WDR45B: variants seen among roughly 807,000 people sequenced by gnomAD.
The protein encoded by WDR45B is WD repeat domain 45B.
In WDR45B, 20 loss-of-function variants were observed where a neutral mutation model predicts 44.6. The ratio of observed to expected loss-of-function variants is 0.45; its 90% CI spans 0.32 to 0.65. The LOEUF (loss-of-function observed/expected upper bound fraction) is 0.65, where lower values mean the gene tolerates loss of function less well. Ranked by LOEUF, WDR45B falls within the 30% of genes least tolerant of loss-of-function variation. The pLI is 0.05. For missense variants in WDR45B, 323 were observed against 430.2 expected (o/e 0.75, Z 2.20); for synonymous variants, 169 against 164.9 (o/e 1.02, Z -0.19).
At chr17:82,628,948 C>T (rs768192918) in intron 3 of WDR45B, among the ~76,000 whole-genome samples, 9 of 150,960 alleles carry the variant, frequency 6.0e-5, no homozygotes, top group Non-Finnish European at 1.2e-4. Flanking sequence ...TGCAGTGAGC[C>T]AGGACTGCGC....
intron 9 of WDR45B, 99 bp downstream of exon 9, chr17:82,616,425 C>G: frequency 6.3e-7 from 1 of 1,591,192 alleles, no homozygotes; most frequent in Non-Finnish European, 8.6e-7. Context: ...GGTGCCACAG[C>G]GCGGTGCTGG....
At chr17:82,618,767 C>T (rs2045573214) in intron 7 of WDR45B, among the ~76,000 whole-genome samples, 1 of 152,118 alleles carries the variant, frequency 6.6e-6, no homozygotes, top group Non-Finnish European at 1.5e-5. Context: ...ACAAAAAAAA[C>T]CCACCAACAA....
chr17:82,619,956 C>G (rs950447092), intron 6 of WDR45B, among the ~76,000 whole-genome samples: 20 of 152,128 alleles, frequency 1.3e-4, no homozygotes, highest in African/African-American at 4.6e-4. Context: ...AAGCAGGAAG[C>G]AGAGAAGCAT....
rs150898020 is a variant in WDR45B, at chr17:82,641,115, G to A, written c.142+2834C>T. On this transcript the variant is annotated intron_variant, in intron 2 of 9. Transcript: ENST00000392325. Reference sequence around the variant, plus strand: ...CCAGTAATTTGAATTACAGGTATGCGCCACCACGCCTGGCTAACTTTTTGT... The same window carrying A: ...CCAGTAATTTGAATTACAGGTATGCACCACCACGCCTGGCTAACTTTTTGT... 6.4e-3 allele frequency among the ~76,000 whole-genome samples: 965 copies of A among 151,868 alleles called. 7 individuals carry two copies. The highest frequency in any genetic ancestry group is 0.022 in the African/African-American group (922 of 41,384).
At chr17:82,643,389 T>G (rs1050724862) in intron 2 of WDR45B, among the ~76,000 whole-genome samples, 1 of 150,880 alleles carries the variant, frequency 6.6e-6, no homozygotes, top group Non-Finnish European at 1.5e-5. Flanking sequence ...GCCGAGGTCA[T>G]GCCATTGCAC....
At chr17:82,641,767 A>G (rs1267001434) in intron 2 of WDR45B, among the ~76,000 whole-genome samples, 1 of 152,082 alleles carries the variant, frequency 6.6e-6, no homozygotes, top group Non-Finnish European at 1.5e-5. Flanking sequence ...GCGTGGTGGC[A>G]GGTGCCTGCA....
rs771097062 is a variant in WDR45B, at chr17:82,648,308, G to C, written c.33C>G (p.Asn11Lys). Residue 11 changes from asparagine (N) to lysine (K), a missense_variant, in exon 1 of 10, where the codon AAC (asparagine) becomes AAG (lysine). Coordinates refer to ENST00000392325, the MANE Select transcript of WDR45B (RefSeq NM_019613.4). ...GGTTGAAGCCGGCGTAGAGCAGCCC[G>C]TTGCCGTGAGGGTTACACGGCAGGA... The part of the protein sequence containing the change: MNLLPCNPHG[N>K]GLLYAGFNQD... 15 of 1,606,878 alleles carry C rather than the reference G, an allele frequency of 9.3e-6. No homozygotes were observed. Among genetic ancestry groups the C allele is most frequent in the Non-Finnish European group, 1.3e-5 (15 of 1,178,126 alleles).
At chr17:82,627,385 T>A in intron 3 of WDR45B, 94 bp from the exon 4 acceptor site, 1 of 1,061,626 alleles carries the variant, frequency 9.4e-7, no homozygotes, top group Non-Finnish European at 1.4e-6. Context: ...GTGTTTTCTC[T>A]TCCCACTGGC....
rs555802535 is a variant in WDR45B at position 82,624,864 on chromosome 17, C to T, written c.427+525G>A. Among the ~76,000 whole-genome samples, 61 of 151,640 alleles carry T rather than the reference C, an allele frequency of 4.0e-4. No individual in the cohort carries two copies. In the South Asian group the frequency reaches 7.1e-3, roughly 18 times the overall value. On this transcript the variant is annotated intron_variant, in intron 5 of 9. Transcript: ENST00000392325. ...TAATCTCCTGACCTTGTGATCCGCC[C>T]GCCTCGGCCTCCCAAAGTGCTGGGA...
At chr17:82,633,295 C>T (rs1177737223) in intron 2 of WDR45B, among the ~76,000 whole-genome samples, 1 of 152,114 alleles carries the variant, frequency 6.6e-6, no homozygotes, top group Non-Finnish European at 1.5e-5. Flanking sequence ...AACCACACAT[C>T]TGATACAGTG....
At chr17:82,622,019 T>C (rs1337160530) in intron 5 of WDR45B, among the ~76,000 whole-genome samples, 1 of 152,200 alleles carries the variant, frequency 6.6e-6, no homozygotes, top group East Asian at 1.9e-4. Context: ...AGACATCTGC[T>C]GAACAACTTT....
At chr17:82,617,223 T>C (rs2045548974) in intron 8 of WDR45B, 73 bp downstream of exon 8, 2 of 1,412,548 alleles carry the variant, frequency 1.4e-6, no homozygotes, top group Non-Finnish European at 2.0e-6. Flanking sequence ...GGGGGGCCTG[T>C]CCCGTCCACA....
At chr17:82,638,971 C>T (rs1295756248) in intron 2 of WDR45B, among the ~76,000 whole-genome samples, 1 of 151,886 alleles carries the variant, frequency 6.6e-6, no homozygotes, top group Non-Finnish European at 1.5e-5. Flanking sequence ...TACAGGCACC[C>T]ACCACCATGC....
chr17:82,627,289 T>C lies in WDR45B; in HGVS notation c.247A>G (p.Met83Val). The change falls in exon 4 of 10, where the codon ATG becomes GTG. Residue 83 changes from methionine to valine, a missense_variant and splice_region_variant. Transcript: ENST00000392325. ...KKPKYPPNKVMIWDDLKKKTV... is the reference protein window; with the variant it reads ...KKPKYPPNKVVIWDDLKKKTV... ...TTCTTCTTCAGGTCATCCCAGATCA[T>C]TACTGAAATATCAGAAAGAAAAGAT... 2.5e-6 allele frequency: 4 copies of C among 1,609,648 alleles called. No homozygotes were observed. The highest frequency in any genetic ancestry group is 1.7e-6 in the Non-Finnish European group (2 of 1,177,374).
intron 3 of WDR45B, among the ~76,000 whole-genome samples, chr17:82,627,783 CTTGCCT>C (rs2045718525): frequency 1.3e-5 from 2 of 152,286 alleles, no homozygotes; most frequent in South Asian, 2.1e-4. Context: ...AACCCTTGCC[CTTGCCT>C]GGTTACGTTC....
chr17:82,617,709 T>C (rs2045557109), intron 7 of WDR45B, among the ~76,000 whole-genome samples: 1 of 152,148 alleles, frequency 6.6e-6, no homozygotes, highest in African/African-American at 2.4e-5. Flanking sequence ...AACATGCCGC[T>C]CAGGGCTGCT....
intron 1 of WDR45B, among the ~76,000 whole-genome samples, chr17:82,646,528 CAGCT>C (rs2045980280): frequency 8.9e-6 from 1 of 112,730 alleles, no homozygotes; most frequent in Non-Finnish European, 2.0e-5. Context: ...AACAAAAAAA[CAGCT>C]AGAAACAAAA....
intron 5 of WDR45B, among the ~76,000 whole-genome samples, chr17:82,623,408 C>CA (rs1259816664): frequency 1.4e-4 from 15 of 104,166 alleles, no homozygotes; most frequent in East Asian, 8.5e-4. Context: ...AAAAAACAAA[C>CA]AAAAAAAATG....
intron 2 of WDR45B, among the ~76,000 whole-genome samples, chr17:82,641,034 C>T (rs2045908636): frequency 2.1e-5 from 3 of 143,636 alleles, no homozygotes; most frequent in Admixed American, 1.4e-4. Flanking sequence ...GGCGCAATCT[C>T]GGCTCACTGC....
Sources: allele counts gnomAD v4.1 joint callset (sites outside exome capture counted in the v4.1 genomes callset), GRCh38; gene constraint gnomAD v4.1.1; transcripts MANE v1.5; gene names NCBI Gene and HGNC (gene_info 2026-07-23, HGNC 2026-07-21).